The following CHMP6 variants were observed in gnomAD, a reference collection of about 807,000 sequenced individuals.
The protein encoded by CHMP6 is charged multivesicular body protein 6.
A neutral mutation model predicts 32.8 loss-of-function variants in CHMP6; 10 were observed. The observed-to-expected ratio is 0.30, with a 90% CI of 0.19 to 0.52. CHMP6 has a LOEUF of 0.52. Among genes scored for constraint, CHMP6 ranks in the 20% least tolerant of loss-of-function variants. CHMP6 has a pLI of 0.97. For missense variants in CHMP6, 269 were observed against 263.8 expected, an observed-to-expected ratio of 1.02 and a Z score of -0.14; for synonymous variants, 123 against 105.8, an observed-to-expected ratio of 1.16 and a Z score of -1.00.
At chr17:80,995,532 G>A (rs2069629730) in intron 3 of CHMP6, 140 bp from the exon 4 acceptor site, 2 of 681,546 alleles carry the variant, frequency 2.9e-6, no homozygotes, top group Admixed American at 2.4e-5. Flanking sequence ...GGAGAGGACA[G>A]GGAGGAGCAG....
At chr17:80,995,802 AT>A in intron 4 of CHMP6, 44 bp downstream of exon 4, 2 of 1,569,862 alleles carry the variant, frequency 1.3e-6, no homozygotes, top group South Asian at 1.1e-5. Context: ...TGGGGAGCCC[AT>A]TGGGCTGGAG....
intron 1 of CHMP6, among the ~76,000 whole-genome samples, chr17:80,992,353 G>A (rs1267343270): frequency 6.6e-6 from 1 of 151,698 alleles, no homozygotes; most frequent in South Asian, 2.1e-4. Flanking sequence ...CTGGCTCTGG[G>A]CCCGCGGGAG....
intron 4 of CHMP6, 41 bp from the exon 5 acceptor site, chr17:80,996,966 G>T: frequency 6.3e-7 from 1 of 1,588,178 alleles, no homozygotes; most frequent in South Asian, 1.1e-5. Flanking sequence ...TCTACCATTG[G>T]CCTCGCGACA....
rs148783671 is a variant in CHMP6, at chr17:80,999,505, G to A, written c.*352G>A. The A allele has an allele frequency of 3.9e-3, 955 of 246,680 alleles. 9 individuals carry two copies. Among genetic ancestry groups the A allele is most frequent in the African/African-American group, 0.021 (910 of 44,360 alleles). The allele number at this position is 246,680 out of a possible 1,614,324, so 15.3% of individuals were successfully genotyped here. Reference sequence around the variant, plus strand: ...GTGGCTCGCGCTCGTCTGTGAGGAAGACACCTCCAGACCTTGGGGTCCCCG... The same window carrying A: ...GTGGCTCGCGCTCGTCTGTGAGGAAAACACCTCCAGACCTTGGGGTCCCCG... On this transcript the variant is annotated 3_prime_UTR_variant, in exon 8 of 8. Coordinates refer to ENST00000325167, the MANE Select transcript of CHMP6 (RefSeq NM_024591.5).
intron 1 of CHMP6, among the ~76,000 whole-genome samples, chr17:80,992,970 G>A (rs574962738): frequency 2.0e-5 from 3 of 152,222 alleles, no homozygotes; most frequent in Non-Finnish European, 1.5e-5. Flanking sequence ...GAAACAACGG[G>A]CACATTTGTC....
At position 80,999,306 on chromosome 17, in the gene CHMP6, C is replaced by A; in HGVS notation, c.*153C>A. 2 of 754,768 alleles carry A rather than the reference C, an allele frequency of 2.6e-6. No individual in the cohort carries two copies. The highest frequency in any genetic ancestry group is 4.3e-6 in the Non-Finnish European group (2 of 460,140). The allele number at this position is 754,768 out of a possible 1,614,324, so 46.8% of individuals were successfully genotyped here. A position where few individuals can be genotyped will look rare whatever the true frequency, so the allele number is the denominator to read the frequency against. On this transcript the variant is annotated 3_prime_UTR_variant, in exon 8 of 8. Coordinates refer to ENST00000325167, the MANE Select transcript of CHMP6 (RefSeq NM_024591.5). The stretch of plus-strand genomic sequence containing the variant: ...GCCACGCAGGCGCATTGCAGGAGGA[C>A]TCCAGAGCGTCTCCTGGAGACCTTG...
chr17:80,997,353 C>T lies in CHMP6; in HGVS notation c.495+12C>T, dbSNP rs913000819. On this transcript the variant is annotated intron_variant, in intron 6 of 7. Coordinates refer to ENST00000325167, the MANE Select transcript of CHMP6 (RefSeq NM_024591.5). ...GCGCAATCACTCAGGTAACGGCCCC[C>T]CCGGGACTGAGCACAGTCACTCAGG... The T allele has an allele frequency of 3.7e-6, 6 of 1,609,870 alleles. 2 individuals are homozygous for T. Among genetic ancestry groups the T allele is most frequent in the Non-Finnish European group, 4.2e-6 (5 of 1,177,936 alleles).
chr17:80,993,344 A>G (rs1568027014), intron 1 of CHMP6, among the ~76,000 whole-genome samples: 1 of 151,492 alleles, frequency 6.6e-6, no homozygotes, highest in African/African-American at 2.4e-5. Flanking sequence ...CTTGTTTTAC[A>G]GGGGGGCAGC....
At chr17:80,998,907 G>A (rs1474851060) in intron 7 of CHMP6, among the ~76,000 whole-genome samples, 191 bp from the exon 8 acceptor site, 2 of 152,194 alleles carry the variant, frequency 1.3e-5, no homozygotes, top group Non-Finnish European at 2.9e-5. Context: ...CCACTGTCCC[G>A]TGTCCCTGGC....
chr17:80,999,261 C>G lies in CHMP6; in HGVS notation c.*108C>G. The G allele has an allele frequency of 7.8e-7, 1 of 1,274,274 alleles. No homozygotes were observed. Among genetic ancestry groups the G allele is most frequent in the Non-Finnish European group, 1.1e-6 (1 of 885,134 alleles). The allele number at this position is 1,274,274 out of a possible 1,614,324, so 78.9% of individuals were successfully genotyped here. A position where few individuals can be genotyped will look rare whatever the true frequency, so the allele number is the denominator to read the frequency against. On this transcript the variant is annotated 3_prime_UTR_variant, in exon 8 of 8. Transcript: ENST00000325167. The stretch of plus-strand genomic sequence containing the variant: ...CGGGTTCCCTGGAGCCCAGTGCGCA[C>G]GGTGCTGAGCAGAGCTGCAGCCACG...
chr17:80,995,000 C>G lies in CHMP6; in HGVS notation c.174-19C>G, dbSNP rs772566283. The stretch of plus-strand genomic sequence containing the variant: ...CCAGGCAGGGCCACAGCGGGTCACT[C>G]TCGGGCTTCCCTCTGCAGACGGGCC... On this transcript the variant is annotated intron_variant, in intron 2 of 7. Coordinates refer to ENST00000325167, the MANE Select transcript of CHMP6 (RefSeq NM_024591.5). The G allele has an allele frequency of 1.1e-5, 18 of 1,580,792 alleles. No homozygotes were observed. Among genetic ancestry groups the G allele is most frequent in the Admixed American group, 3.8e-5 (2 of 53,152 alleles).
intron 1 of CHMP6, 39 bp downstream of exon 1, chr17:80,992,020 C>A: frequency 2.2e-6 from 3 of 1,335,560 alleles, no homozygotes; most frequent in Non-Finnish European, 1.9e-6. Flanking sequence ...GGGGCCGGGA[C>A]AGGCGACGGG....
At chr17:80,998,470 G>T in intron 7 of CHMP6, 50 bp downstream of exon 7, 1 of 1,613,726 alleles carries the variant, frequency 6.2e-7, no homozygotes, top group South Asian at 1.1e-5. Context: ...CAGGAGAAAA[G>T]TGGATTCTAG....
At chr17:80,995,498 C>G (rs1258207983) in intron 3 of CHMP6, among the ~76,000 whole-genome samples, 174 bp from the exon 4 acceptor site, 1 of 152,184 alleles carries the variant, frequency 6.6e-6, no homozygotes, top group East Asian at 1.9e-4. Flanking sequence ...CCTGCTCAGT[C>G]CTGCGCATCC....
At position 80,997,348 on chromosome 17, in the gene CHMP6, GCCC is replaced by G; in HGVS notation, c.495+12_495+14del. On this transcript the variant is annotated splice_region_variant and intron_variant, in intron 6 of 7. Coordinates refer to ENST00000325167, the MANE Select transcript of CHMP6 (RefSeq NM_024591.5). ...GCTGAGCGCAATCACTCAGGTAACG[GCCC>G]CCCCGGGACTGAGCACAGTCACTCA... 2 of 1,469,372 alleles carry G rather than the reference GCCC, an allele frequency of 1.4e-6. No individual in the cohort carries two copies. Among genetic ancestry groups the G allele is most frequent in the Non-Finnish European group, 1.9e-6 (2 of 1,080,546 alleles). 91.0% of individuals were successfully genotyped at this position (1,469,372 alleles called of 1,614,324 possible).
rs1171194815 is a variant in CHMP6 at position 80,998,435 on chromosome 17, G to T, written c.550+15G>T. 6.2e-7 allele frequency: 1 copy of T among 1,614,148 alleles called. No individual in the cohort carries two copies. Among genetic ancestry groups the T allele is most frequent in the South Asian group, 1.1e-5 (1 of 91,078 alleles). ...GAAGATCCCAGGTATTTCCATGTTT[G>T]ATTCTTTTGAATGGTTGGAATTCGC... is the stretch of plus-strand genomic sequence containing the variant. On this transcript the variant is annotated intron_variant, in intron 7 of 7. Coordinates refer to ENST00000325167, the MANE Select transcript of CHMP6 (RefSeq NM_024591.5).
intron 1 of CHMP6, 148 bp from the exon 2 acceptor site, chr17:80,994,433 A>T: frequency 1.7e-6 from 1 of 583,958 alleles, no homozygotes. Context: ...AGACGTGTCC[A>T]GACAGCACCA....
chr17:80,995,601 C>A, intron 3 of CHMP6, 71 bp from the exon 4 acceptor site: 1 of 1,390,252 alleles, frequency 7.2e-7, no homozygotes, highest in Non-Finnish European at 1.0e-6. Flanking sequence ...TCATCCTGAA[C>A]CCTGCCCCAG....
At chr17:80,998,728 C>A in intron 7 of CHMP6, 1 of 1,333,608 alleles carries the variant, frequency 7.5e-7, no homozygotes, top group Non-Finnish European at 9.7e-7. Flanking sequence ...AGGATTAGCC[C>A]TCAGCCAGGG....
Sources: gnomAD v4.1 joint callset for allele counts (sites outside exome capture counted in the v4.1 genomes callset) on GRCh38, gnomAD v4.1.1 for gene constraint, MANE v1.5 for transcripts, NCBI Gene and HGNC (gene_info 2026-07-23, HGNC 2026-07-21) for gene names.